Variants in MROH2A observed in about 807,000 individuals in gnomAD.
The protein encoded by MROH2A is maestro heat like repeat family member 2A.
In MROH2A, 174 loss-of-function variants were observed where a neutral mutation model predicts 200.4. That is an observed-to-expected ratio of 0.87 (90% CI 0.77 to 0.98). MROH2A has a LOEUF of 0.98. Among genes scored for constraint, MROH2A ranks in the 50% least tolerant of loss-of-function variants. The pLI, the probability that MROH2A is intolerant of heterozygous loss-of-function variation, is 0.00. For missense variants in MROH2A, 2,045 were observed against 2,139.6 expected (o/e 0.96, Z 0.87); for synonymous variants, 829 against 840.4 (o/e 0.99, Z 0.23).
At chr2:233,780,001 G>A in intron 3 of MROH2A, 149 bp downstream of exon 3, 1 of 664,412 alleles carries the variant, frequency 1.5e-6, no homozygotes, top group Non-Finnish European at 2.5e-6. Context: ...TACTCCCTGA[G>A]GACCAATTGG....
intron 22 of MROH2A, among the ~76,000 whole-genome samples, chr2:233,809,914 CT>C (rs369806647): frequency 1.8e-3 from 147 of 80,062 alleles, no homozygotes; most frequent in African/African-American, 6.6e-3. Context: ...CCATTCCCTT[CT>C]CCTCCCAGCC....
In MROH2A at chr2:233,805,003, G is replaced by A; in HGVS notation, c.1945-1G>A. ...CTCACCAACGTCTTGTGCCTCCCCA[G>A]TTTCTGCGAAACTCCCTCAAGAAGA... On this transcript the variant is annotated splice_acceptor_variant, in intron 18 of 41. Coordinates refer to ENST00000389758, the MANE Select transcript of MROH2A (RefSeq NM_001394639.1). LOFTEE classifies it high-confidence loss of function. 4 of 1,547,910 alleles carry A rather than the reference G, an allele frequency of 2.6e-6. No homozygotes were observed. The highest frequency in any genetic ancestry group is 3.5e-6 in the Non-Finnish European group (4 of 1,145,010).
chr2:233,821,031 C>T (rs529909743), intron 31 of MROH2A, among the ~76,000 whole-genome samples: 1 of 152,294 alleles, frequency 6.6e-6, no homozygotes, highest in South Asian at 2.1e-4. Context: ...GTCACACTGG[C>T]TTTCACTTAG....
intron 5 of MROH2A, among the ~76,000 whole-genome samples, chr2:233,791,237 CCTTT>C (rs1254315764): frequency 6.6e-6 from 1 of 152,064 alleles, no homozygotes; most frequent in African/African-American, 2.4e-5. Flanking sequence ...TGTGGGAAGG[CCTTT>C]CTGACTGCTG....
chr2:233,799,941 G>A, intron 13 of MROH2A, 42 bp downstream of exon 13: 1 of 1,549,884 alleles, frequency 6.5e-7, no homozygotes, highest in Non-Finnish European at 8.7e-7. Context: ...AGCTGGACTT[G>A]GAAATGGTTT....
intron 3 of MROH2A, among the ~76,000 whole-genome samples, chr2:233,784,492 G>A (rs60878654): frequency 6.6e-6 from 1 of 152,180 alleles, no homozygotes; most frequent in Non-Finnish European, 1.5e-5. Context: ...GTGCTGATGA[G>A]AAACTAATGA....
chr2:233,807,604 T>A lies in MROH2A; in HGVS notation c.2172+62T>A. 1 of 1,545,098 alleles carries A rather than the reference T, an allele frequency of 6.5e-7. No individual in the cohort carries two copies. Among genetic ancestry groups the A allele is most frequent in the South Asian group, 1.2e-5 (1 of 83,748 alleles). ...GCCTCTGGACCCTCGGGGACATGTG[T>A]GTTCATGTGGCTGCATGCGTTTTGT... On this transcript the variant is annotated intron_variant, in intron 20 of 41. Coordinates refer to ENST00000389758, the MANE Select transcript of MROH2A (RefSeq NM_001394639.1). The surrounding 1 kb of genome is among the most constrained non-coding windows in gnomAD (Gnocchi z 4.3).
intron 3 of MROH2A, among the ~76,000 whole-genome samples, chr2:233,785,214 C>T (rs1475564815): frequency 4.0e-5 from 6 of 151,878 alleles, no homozygotes; most frequent in Non-Finnish European, 7.4e-5. Flanking sequence ...GAGACACTTG[C>T]TCTTGAAAGG....
chr2:233,787,688 TATTATATATATCATATAA>T, intron 3 of MROH2A, among the ~76,000 whole-genome samples: 4 of 72,190 alleles, frequency 5.5e-5, no homozygotes, highest in African/African-American at 2.5e-4. Flanking sequence ...TATACATATA[TATTATATATATCATATAA>T]ACATATATAT....
Position 233,831,037 on chromosome 2 carries a change from G to A in MROH2A, c.4603-372G>A, listed in dbSNP as rs1429393502. On this transcript the variant is annotated intron_variant, in intron 38 of 41. Transcript: ENST00000389758. ...GCTGTGGCCAGCAGGCTTGGTCACA[G>A]GCAGATGCTGGTGGACTGGGCCTGG... 3.3e-5 allele frequency among the ~76,000 whole-genome samples: 5 copies of A among 152,184 alleles called. No homozygotes were observed. In the East Asian group the frequency reaches 9.6e-4, roughly 29 times the overall value.
rs1559435393 is a variant in MROH2A at position 233,787,570 on chromosome 2, ATATATAT to A, written c.277-1926_277-1920del. Among the ~76,000 whole-genome samples the A allele has an allele frequency of 6.7e-3, 378 of 56,302 alleles. 27 individuals are homozygous for A. The highest frequency in any genetic ancestry group is 9.3e-3 in the Non-Finnish European group (313 of 33,568). 36.9% of individuals were successfully genotyped at this position (56,302 alleles called of 152,430 possible). The stretch of plus-strand genomic sequence containing the variant: ...TATATATTATATATACATATATATT[ATATATAT>A]CATATATACATATATATATTATATA... On this transcript the variant is annotated intron_variant, in intron 3 of 41. Coordinates refer to ENST00000389758, the MANE Select transcript of MROH2A (RefSeq NM_001394639.1).
chr2:233,812,971 T>C (rs1214476287), intron 24 of MROH2A, among the ~76,000 whole-genome samples: 1 of 152,132 alleles, frequency 6.6e-6, no homozygotes, highest in Non-Finnish European at 1.5e-5. Flanking sequence ...AGGGGCACAA[T>C]AGAACTCATG....
chr2:233,831,340 C>G (rs1704733531), intron 38 of MROH2A, 69 bp from the exon 39 acceptor site: 1 of 1,461,700 alleles, frequency 6.8e-7, no homozygotes, highest in African/African-American at 1.4e-5. Flanking sequence ...TGGCTTCCTG[C>G]CAGCCTCACC....
At chr2:233,832,754 TC>T (rs1405530115) in intron 41 of MROH2A, 110 bp downstream of exon 41, 8 of 435,648 alleles carry the variant, frequency 1.8e-5, no homozygotes, top group East Asian at 6.3e-5. Context: ...CTGTGGGGTT[TC>T]GGGGGGGTGG....
chr2:233,811,813 T>C, intron 23 of MROH2A, 67 bp from the exon 24 acceptor site: 3 of 1,027,126 alleles, frequency 2.9e-6, no homozygotes, highest in Non-Finnish European at 4.5e-6. Context: ...TTCCTCATGC[T>C]AACACTGGGG....
Position 233,788,663 on chromosome 2 carries a change from C to T in MROH2A, c.277-834C>T, listed in dbSNP as rs530757356. The stretch of plus-strand genomic sequence containing the variant: ...CCTTAAGAGTGGCTTGTCAGCCGGG[C>T]GTGGTGGCTCACGCCTGTAATCCCA... On this transcript the variant is annotated intron_variant, in intron 3 of 41. Transcript: ENST00000389758. Among the ~76,000 whole-genome samples, 7 of 152,084 alleles carry T rather than the reference C, an allele frequency of 4.6e-5. No homozygotes were observed. In the South Asian group the frequency reaches 1.2e-3, roughly 27 times the overall value.
At chr2:233,792,226 A>T (rs1575923672) in intron 5 of MROH2A, among the ~76,000 whole-genome samples, 2 of 143,108 alleles carry the variant, frequency 1.4e-5, no homozygotes, top group Non-Finnish European at 1.5e-5. Context: ...CCTCTCTCGG[A>T]CCTCCTCTTC....
Position 233,828,655 on chromosome 2 carries a change from A to T in MROH2A, c.4139A>T (p.Gln1380Leu), listed in dbSNP as rs1704489553. The T allele has an allele frequency of 6.4e-7, 1 of 1,550,620 alleles. No individual in the cohort carries two copies. Among genetic ancestry groups the T allele is most frequent in the Admixed American group, 2.0e-5 (1 of 50,978 alleles). ...TTCATGAGCGGCCCAGTTCTGTACCAGGAGAAGCTGCTGAAGCCGGCAGCT... is the reference window on the plus strand; with the variant it reads ...TTCATGAGCGGCCCAGTTCTGTACCTGGAGAAGCTGCTGAAGCCGGCAGCT... ...VCFMSGPVLY[Q>L]EKLLKPAALL... The change falls in exon 36 of 42, where the codon CAG becomes CTG. Residue 1380 changes from glutamine (Q) to leucine (L), a missense_variant. Physicochemically the swap from Gln to Leu is moderately radical, Grantham distance 113. Around this residue, in one of 3 missense-constraint regions of MROH2A, gnomAD observed 1,201 missense variants for 1,311.3 expected, o/e 0.92. Transcript: ENST00000389758. The surrounding 1 kb of genome is among the most constrained non-coding windows in gnomAD (Gnocchi z 4.6).
chr2:233,787,994 AT>A (rs1701433201), intron 3 of MROH2A, among the ~76,000 whole-genome samples: 2 of 82,650 alleles, frequency 2.4e-5, no homozygotes, highest in African/African-American at 5.5e-5. Context: ...ATATACATAT[AT>A]TATATATATA....
Sources: allele counts gnomAD v4.1 joint callset (sites outside exome capture counted in the v4.1 genomes callset), GRCh38; gene constraint gnomAD v4.1.1; regional missense constraint gnomAD v4.1.1; non-coding constraint Gnocchi (gnomAD v3.1); transcripts MANE v1.5; gene names NCBI Gene and HGNC (gene_info 2026-07-23, HGNC 2026-07-21).